The following RELN variants were observed in gnomAD, a reference collection of about 807,000 sequenced individuals.
RELN encodes reelin.
A neutral mutation model predicts 427.6 loss-of-function variants in RELN; 108 were observed. The ratio of observed to expected loss-of-function variants is 0.25; its 90% CI spans 0.22 to 0.30. The LOEUF is 0.30. RELN is among the 10% of genes least tolerant of loss of function. The probability of loss-of-function intolerance (pLI) is 1.00; values close to 1 mark genes in which losing one functional copy is unlikely to be tolerated. For synonymous variants in RELN, 1,524 were observed against 1,513.4 expected (o/e 1.01, Z -0.16); for missense variants, 3,715 against 4,302.8 (o/e 0.86, Z 3.82).
intron 3 of RELN, among the ~76,000 whole-genome samples, chr7:103,809,949 A>G (rs1792696004): frequency 6.6e-6 from 1 of 152,172 alleles, no homozygotes; most frequent in Non-Finnish European, 1.5e-5. Context: ...TTTTTAACCC[A>G]CTAAAACTCA....
chr7:103,660,163 T>C lies in RELN; in HGVS notation c.1441+1213A>G, dbSNP rs575017921. On this transcript the variant is annotated intron_variant, in intron 12 of 64. Transcript: ENST00000428762. ...AATAAAATCAAAATATGGTATGAAA[T>C]ACATTGTGTCAAAAATGGGGAAAAG... 2.5e-3 allele frequency among the ~76,000 whole-genome samples: 385 copies of C among 152,234 alleles called. 2 individuals carry two copies. Among genetic ancestry groups the C allele is most frequent in the South Asian group, 0.019 (93 of 4,824 alleles).
At position 103,968,489 on chromosome 7, in the gene RELN, G is replaced by GA. The variant is rs548455401; in HGVS notation, c.226+20641dup. Reference sequence around the variant, plus strand: ...GTGGCCTATGAGAAATTAGGGGACAGAAAAAAAAATAAAAGTATGAAAGAA... The same window carrying GA: ...GTGGCCTATGAGAAATTAGGGGACAGAAAAAAAAAATAAAAGTATGAAAGAA... On this transcript the variant is annotated intron_variant, in intron 1 of 64. Transcript: ENST00000428762. The surrounding 1 kb of genome is among the most constrained non-coding windows in gnomAD (Gnocchi z 4.3). Among the ~76,000 whole-genome samples the GA allele has an allele frequency of 9.4e-5, 14 of 149,220 alleles. No homozygotes were observed. The highest frequency in any genetic ancestry group is 1.2e-4 in the African/African-American group (5 of 40,650).
chr7:103,895,321 G>T (rs1483891006), intron 2 of RELN, among the ~76,000 whole-genome samples: 1 of 152,014 alleles, frequency 6.6e-6, no homozygotes. Context: ...GTAGTTCAAA[G>T]GGTATTAGAT....
At chr7:103,950,308 T>G (rs1397011425) in intron 1 of RELN, among the ~76,000 whole-genome samples, 6 of 152,194 alleles carry the variant, frequency 3.9e-5, no homozygotes, top group Non-Finnish European at 8.8e-5. Flanking sequence ...CACCACAGCA[T>G]AGTTTCTACA....
At chr7:103,892,042 A>G (rs1372920510) in intron 2 of RELN, among the ~76,000 whole-genome samples, 1 of 152,186 alleles carries the variant, frequency 6.6e-6, no homozygotes, top group East Asian at 1.9e-4. Flanking sequence ...GTATCTTTCA[A>G]CATCTCCTTC....
intron 49 of RELN, among the ~76,000 whole-genome samples, chr7:103,516,286 CTTTTT>C (rs3051646): frequency 2.1e-5 from 3 of 141,132 alleles, no homozygotes; most frequent in East Asian, 2.1e-4. Flanking sequence ...CACAAAGTAT[CTTTTT>C]TTTTTTTTTT....
intron 1 of RELN, among the ~76,000 whole-genome samples, chr7:103,937,779 G>T (rs1185769252): frequency 2.6e-5 from 4 of 152,118 alleles, no homozygotes; most frequent in African/African-American, 9.7e-5. Flanking sequence ...ATGTTAAAAT[G>T]GTCTCATCTT....
intron 6 of RELN, among the ~76,000 whole-genome samples, chr7:103,749,018 G>A (rs1274113892): frequency 6.6e-6 from 1 of 152,104 alleles, no homozygotes; most frequent in African/African-American, 2.4e-5. Context: ...TTGAAGGAAA[G>A]ACTGGAGTAT....
At chr7:103,952,865 CTT>C (rs1476513951) in intron 1 of RELN, among the ~76,000 whole-genome samples, 1 of 152,094 alleles carries the variant, frequency 6.6e-6, no homozygotes, top group Admixed American at 6.5e-5. Flanking sequence ...GAAAAAATGT[CTT>C]TTGCTTTTCG....
At chr7:103,617,136 GA>G (rs1190567150) in intron 20 of RELN, among the ~76,000 whole-genome samples, 1 of 152,144 alleles carries the variant, frequency 6.6e-6, no homozygotes, top group Non-Finnish European at 1.5e-5. Flanking sequence ...AAGAAGTTTA[GA>G]AGCTATTCAT....
In RELN at chr7:103,953,954, T is replaced by TAACAACAAA. The variant is rs1451392104; in HGVS notation, c.226+35168_226+35176dup. 6.7e-6 allele frequency among the ~76,000 whole-genome samples: 1 copy of TAACAACAAA among 149,188 alleles called. No individual in the cohort carries two copies. The highest frequency in any genetic ancestry group is 1.5e-5 in the Non-Finnish European group (1 of 67,328). On this transcript the variant is annotated intron_variant, in intron 1 of 64. Transcript: ENST00000428762. The surrounding 1 kb of genome is among the most constrained non-coding windows in gnomAD (Gnocchi z 4.3). ...CTCAAAAAAACAAAACAAACAACAA[T>TAACAACAAA]AACAACAAAAACAGGCGGGGCATAG...
chr7:103,639,402 C>CTTTT (rs200310506), intron 17 of RELN, among the ~76,000 whole-genome samples: 1 of 141,246 alleles, frequency 7.1e-6, no homozygotes, highest in Non-Finnish European at 1.6e-5. Context: ...CTTTTTCTCT[C>CTTTT]TTTTTTTTTT....
chr7:103,594,944 G>C (rs1265633856), intron 25 of RELN, among the ~76,000 whole-genome samples: 1 of 151,978 alleles, frequency 6.6e-6, no homozygotes, highest in Non-Finnish European at 1.5e-5. Context: ...CATAGCGTTG[G>C]CTTCTGTTAA....
chr7:103,472,745 C>A lies in RELN; in HGVS notation c.*67G>T. 1.6e-6 allele frequency: 2 copies of A among 1,245,228 alleles called. No homozygotes were observed. The highest frequency in any genetic ancestry group is 2.4e-6 in the Non-Finnish European group (2 of 848,082). The allele number at this position is 1,245,228 out of a possible 1,614,324, so 77.1% of individuals were successfully genotyped here. On this transcript the variant is annotated 3_prime_UTR_variant, in exon 65 of 65. Coordinates refer to ENST00000428762, the MANE Select transcript of RELN (RefSeq NM_005045.4). ...ATATTTCCTGATATCAGATGTAGTG[C>A]GAGATTTAAAAGAATGGAGAGCAAC...
intron 6 of RELN, among the ~76,000 whole-genome samples, chr7:103,729,051 A>C (rs78981737): frequency 6.6e-6 from 1 of 152,158 alleles, no homozygotes; most frequent in East Asian, 1.9e-4. Flanking sequence ...TTGACCTTGT[A>C]TATTTACGGT....
At chr7:103,512,248 A>C (rs1246920599) in intron 50 of RELN, among the ~76,000 whole-genome samples, 2 of 152,162 alleles carry the variant, frequency 1.3e-5, no homozygotes, top group Non-Finnish European at 2.9e-5. Context: ...TTTATAACAA[A>C]CTTGTTATAA....
At chr7:103,809,554 T>C (rs1293122245) in intron 3 of RELN, among the ~76,000 whole-genome samples, 1 of 152,030 alleles carries the variant, frequency 6.6e-6, no homozygotes, top group Non-Finnish European at 1.5e-5. Flanking sequence ...AGGGGAGGTA[T>C]AAATGCTTAG....
rs1829719853 is a variant in RELN at position 103,522,042 on chromosome 7, T to C, written c.7648A>G (p.Met2550Val). Residue 2550 changes from methionine (M) to valine (V), a missense_variant, in exon 48 of 65, where the codon ATG becomes GTG. By Grantham distance (21) the Met-to-Val change is conservative (BLOSUM62 1). Around this residue, in one of 4 missense-constraint regions of RELN, gnomAD observed 1,310 missense variants for 1,643.0 expected, o/e 0.80. Transcript: ENST00000428762. The part of the protein sequence containing the change: ...STVCGAVASG[M>V]ALHFSGGCSR... ...CTCACCCCACTGAAATGGAGAGCCA[T>C]TCCCGACGCCACGGCTCCACACACT... The C allele has an allele frequency of 1.9e-6, 3 of 1,614,010 alleles. No homozygotes were observed. Among genetic ancestry groups the C allele is most frequent in the Non-Finnish European group, 8.5e-7 (1 of 1,179,980 alleles).
intron 2 of RELN, among the ~76,000 whole-genome samples, chr7:103,913,302 GA>G (rs563302594): frequency 6.6e-6 from 1 of 152,040 alleles, no homozygotes; most frequent in Non-Finnish European, 1.5e-5. Flanking sequence ...CTACAAGTAG[GA>G]AAAAAACTTT....
Sources: gnomAD v4.1 joint callset for allele counts (sites outside exome capture counted in the v4.1 genomes callset) on GRCh38, gnomAD v4.1.1 for gene constraint, gnomAD v4.1.1 regional missense constraint, Gnocchi (gnomAD v3.1) non-coding constraint, MANE v1.5 for transcripts, NCBI Gene and HGNC (gene_info 2026-07-23, HGNC 2026-07-21) for gene names.